Variants in ATXN8OS observed in about 807,000 individuals in gnomAD.
ATXN8OS encodes the protein ATXN8 opposite strand lncRNA, also known as ATXN8 opposite strand (non-protein coding).
chr13:70,149,024 TTTC>T (rs1162661346), intron 4 of ATXN8OS, among the ~76,000 whole-genome samples: 1 of 152,170 alleles, frequency 6.6e-6, no homozygotes, highest in African/African-American at 2.4e-5. Context: ...CTTAGATGCT[TTTC>T]TTCAGAAACA....
intron 1 of ATXN8OS, among the ~76,000 whole-genome samples, chr13:70,110,510 GAA>G (rs148222366): frequency 6.9e-6 from 1 of 144,486 alleles, no homozygotes; most frequent in African/African-American, 2.5e-5. Context: ...AATAAAACAA[GAA>G]AAAAAAATGG....
At chr13:70,155,222 G>A (rs1379193934) in intron 4 of ATXN8OS, among the ~76,000 whole-genome samples, 1 of 152,146 alleles carries the variant, frequency 6.6e-6, no homozygotes, top group African/African-American at 2.4e-5. Flanking sequence ...TCCAATCATA[G>A]TTTCCTTGAT....
chr13:70,108,878 C>T (rs1193287047), intron 1 of ATXN8OS, among the ~76,000 whole-genome samples: 1 of 152,186 alleles, frequency 6.6e-6, no homozygotes, highest in Admixed American at 6.5e-5. Context: ...TGCCACCATC[C>T]TGACACTTAC....
intron 3 of ATXN8OS, among the ~76,000 whole-genome samples, chr13:70,143,581 C>A (rs1342013925): frequency 6.6e-6 from 1 of 152,056 alleles, no homozygotes; most frequent in Admixed American, 6.5e-5. Context: ...CTTAGTGTAC[C>A]TATGTGTGTA....
rs879063589 is a variant in ATXN8OS, at chr13:70,139,377, A to ACTGCTG, written n.500-7976_500-7975insGCTGCT. 5.5e-3 allele frequency: 3,577 copies of ACTGCTG among 645,692 alleles called. 33 individuals carry two copies. The East Asian group carries it at 0.07, about 13-fold the overall frequency. 40.0% of individuals were successfully genotyped at this position (645,692 alleles called of 1,614,324 possible). On this transcript the variant is annotated intron_variant and non_coding_transcript_variant, in intron 3 of 4. Coordinates refer to ENST00000678624, the Ensembl canonical transcript of ATXN8OS. ...TACTACTACTACTACTACTACTACT[A>ACTGCTG]CTACTACTGCTGCTGCTGCTGCTGC... is the stretch of plus-strand genomic sequence containing the variant.
intron 3 of ATXN8OS, among the ~76,000 whole-genome samples, chr13:70,141,604 A>G (rs1316036305): frequency 1.3e-5 from 2 of 152,080 alleles, no homozygotes; most frequent in African/African-American, 4.8e-5. Context: ...GTATATATAC[A>G]TATGTGTGTG....
chr13:70,142,840 G>T (rs921494632), intron 3 of ATXN8OS, among the ~76,000 whole-genome samples: 1 of 152,160 alleles, frequency 6.6e-6, no homozygotes, highest in East Asian at 1.9e-4. Context: ...TTGGGAGCCC[G>T]AGGCGGGAGG....
chr13:70,140,721 G>T (rs1888702836), intron 3 of ATXN8OS, among the ~76,000 whole-genome samples: 1 of 151,952 alleles, frequency 6.6e-6, no homozygotes, highest in South Asian at 2.1e-4. Context: ...TTCTATGCAT[G>T]TGGTGAAAAA....
chr13:70,119,497 T>A (rs2137474011), intron 2 of ATXN8OS, among the ~76,000 whole-genome samples: 1 of 152,304 alleles, frequency 6.6e-6, no homozygotes, highest in Admixed American at 6.5e-5. Flanking sequence ...GTAAAGCTGT[T>A]ATTACAGTGT....
chr13:70,140,039 A>C (rs1165951209), intron 3 of ATXN8OS, among the ~76,000 whole-genome samples: 2 of 152,152 alleles, frequency 1.3e-5, no homozygotes, highest in Admixed American at 1.3e-4. Flanking sequence ...GTAGCTAGTA[A>C]TTAGGGCTAC....
intron 2 of ATXN8OS, among the ~76,000 whole-genome samples, chr13:70,125,765 G>A (rs1189742079): frequency 6.6e-6 from 1 of 152,078 alleles, no homozygotes; most frequent in African/African-American, 2.4e-5. Flanking sequence ...AGATATTGAT[G>A]CCAGGGATGT....
At chr13:70,150,476 G>T (rs1888852020) in intron 4 of ATXN8OS, among the ~76,000 whole-genome samples, 1 of 152,072 alleles carries the variant, frequency 6.6e-6, no homozygotes, top group South Asian at 2.1e-4. Flanking sequence ...AGACCAGAAA[G>T]AGATTATAGT....
chr13:70,115,223 A>G, exon 2 of ATXN8OS: 1 of 398,530 alleles, frequency 2.5e-6, no homozygotes, highest in Non-Finnish European at 4.4e-6. Context: ...ACATAGTAGA[A>G]GGCAGAAGGG....
intron 2 of ATXN8OS, among the ~76,000 whole-genome samples, chr13:70,122,473 T>C (rs539263987): frequency 1.3e-5 from 2 of 152,120 alleles, no homozygotes; most frequent in South Asian, 4.1e-4. Context: ...ACATGCAATG[T>C]CATTCATTAT....
intron 1 of ATXN8OS, among the ~76,000 whole-genome samples, chr13:70,113,532 G>T (rs1888230786): frequency 6.6e-6 from 1 of 152,050 alleles, no homozygotes; most frequent in South Asian, 2.1e-4. Context: ...TCACTGTGGG[G>T]TAAGGTGAGT....
chr13:70,167,606 C>T (rs184069421), intron 4 of ATXN8OS, among the ~76,000 whole-genome samples: 10 of 150,948 alleles, frequency 6.6e-5, no homozygotes, highest in Admixed American at 3.3e-4. Context: ...CACATGCATA[C>T]GTATGTAACT....
intron 2 of ATXN8OS, among the ~76,000 whole-genome samples, chr13:70,127,091 GAGAC>G (rs1888450651): frequency 6.6e-6 from 1 of 151,682 alleles, no homozygotes; most frequent in South Asian, 2.1e-4. Context: ...CCATCTCAGA[GAGAC>G]AGAGACAGAA....
intron 4 of ATXN8OS, among the ~76,000 whole-genome samples, chr13:70,165,088 T>C (rs1040361666): frequency 8.5e-5 from 13 of 152,094 alleles, no homozygotes; most frequent in South Asian, 2.1e-4. Context: ...AGATCTACAG[T>C]GGCTTAAGAA....
At chr13:70,148,172 T>C (rs1394566683) in intron 4 of ATXN8OS, among the ~76,000 whole-genome samples, 2 of 152,118 alleles carry the variant, frequency 1.3e-5, no homozygotes, top group Non-Finnish European at 2.9e-5. Context: ...GATGTCAGAC[T>C]CTTATTGAAA....
Sources: gnomAD v4.1 joint callset for allele counts (sites outside exome capture counted in the v4.1 genomes callset) on GRCh38, gnomAD v4.1.1 for gene constraint, MANE v1.5 for transcripts, NCBI Gene and HGNC (gene_info 2026-07-23, HGNC 2026-07-21) for gene names.